Variants in DACH2 observed in about 807,000 individuals in gnomAD.
DACH2 encodes the protein dachshund family transcription factor 2.
Under a neutral mutation model 35.8 loss-of-function variants are expected in DACH2, and 17 were observed. The ratio of observed to expected loss-of-function variants is 0.48; its 90% CI spans 0.33 to 0.71. The LOEUF (loss-of-function observed/expected upper bound fraction) is 0.71, where lower values mean the gene tolerates loss of function less well. Among genes scored for constraint, DACH2 ranks in the 30% least tolerant of loss-of-function variants. DACH2 has a pLI of 0.02. For missense variants in DACH2, 469 were observed against 472.7 expected, an observed-to-expected ratio of 0.99 and a Z score of 0.07; for synonymous variants, 195 against 177.3, an observed-to-expected ratio of 1.10 and a Z score of -0.79.
intron 1 of DACH2, among the ~76,000 whole-genome samples, chrX:86,342,995 T>C (rs2035437904): frequency 9.0e-6 from 1 of 111,498 alleles, no homozygotes; most frequent in Non-Finnish European, 1.9e-5. Context: ...AATTAAGATA[T>C]ATACATTGGC....
intron 7 of DACH2, among the ~76,000 whole-genome samples, chrX:86,811,019 A>C (rs2042390378): frequency 8.9e-6 from 1 of 112,224 alleles, no homozygotes; most frequent in African/African-American, 3.2e-5. Flanking sequence ...ATTCCTAGGA[A>C]GTTATTCTCA....
intron 2 of DACH2, among the ~76,000 whole-genome samples, chrX:86,449,470 T>A (rs1304263397): frequency 1.8e-5 from 2 of 111,677 alleles, no homozygotes; most frequent in African/African-American, 6.5e-5. Flanking sequence ...AAGTGGAGAA[T>A]TTAATCAATT....
At chrX:86,468,292 C>G (rs1018279091) in intron 2 of DACH2, among the ~76,000 whole-genome samples, 34 of 111,091 alleles carry the variant, frequency 3.1e-4, no homozygotes, top group African/African-American at 1.0e-3. Context: ...ATATTACTGG[C>G]TACAGTAATA....
At chrX:86,404,645 C>T (rs1482142150) in intron 2 of DACH2, among the ~76,000 whole-genome samples, 2 of 111,694 alleles carry the variant, frequency 1.8e-5, no homozygotes, top group South Asian at 3.7e-4. Flanking sequence ...TATGGGTTTT[C>T]CAGGTGCACG....
At chrX:86,330,448 G>T (rs1369048269) in intron 1 of DACH2, among the ~76,000 whole-genome samples, 3 of 111,512 alleles carry the variant, frequency 2.7e-5, no homozygotes, top group African/African-American at 6.5e-5. Context: ...TTGGATGATT[G>T]AAATCTTACT....
At chrX:86,317,267 A>G (rs1278144426) in intron 1 of DACH2, among the ~76,000 whole-genome samples, 1 of 111,501 alleles carries the variant, frequency 9.0e-6, no homozygotes, top group Non-Finnish European at 1.9e-5. Context: ...AAGTGGGTGT[A>G]TGGGGCTTGG....
At chrX:86,573,441 A>G (rs902148923) in intron 3 of DACH2, among the ~76,000 whole-genome samples, 2 of 111,672 alleles carry the variant, frequency 1.8e-5, no homozygotes, top group Non-Finnish European at 3.8e-5. Flanking sequence ...GATTTACAAA[A>G]ATAAATGATG....
intron 3 of DACH2, among the ~76,000 whole-genome samples, chrX:86,524,353 C>T (rs1387000766): frequency 8.9e-6 from 1 of 111,925 alleles, no homozygotes; most frequent in Non-Finnish European, 1.9e-5. Flanking sequence ...ATACCTTTTC[C>T]TAGGACTACC....
At chrX:86,572,023 T>TA (rs1207110761) in intron 3 of DACH2, among the ~76,000 whole-genome samples, 3 of 111,156 alleles carry the variant, frequency 2.7e-5, no homozygotes, top group African/African-American at 9.8e-5. Context: ...ATAGATTTTT[T>TA]AAAAAAATTC....
chrX:86,404,370 A>G (rs1056831027), intron 2 of DACH2, among the ~76,000 whole-genome samples: 1 of 112,289 alleles, frequency 8.9e-6, no homozygotes, highest in Admixed American at 9.4e-5. Context: ...ATGAGGGTAC[A>G]GGCATTGGGT....
intron 3 of DACH2, among the ~76,000 whole-genome samples, chrX:86,601,033 A>T (rs2039782711): frequency 9.0e-6 from 1 of 111,616 alleles, no homozygotes; most frequent in South Asian, 3.7e-4. Flanking sequence ...GCAATAGACA[A>T]GGAAAGTGAA....
At chrX:86,501,151 A>G (rs1338975985) in intron 2 of DACH2, among the ~76,000 whole-genome samples, 1 of 112,516 alleles carries the variant, frequency 8.9e-6, no homozygotes, top group African/African-American at 3.2e-5. Context: ...CTTTGCTGCC[A>G]CTTTTATTTT....
chrX:86,605,504 C>G (rs192316896), intron 3 of DACH2, among the ~76,000 whole-genome samples: 1 of 110,444 alleles, frequency 9.1e-6, no homozygotes, highest in African/African-American at 3.3e-5. Context: ...TAAAAAAAAT[C>G]TTTGTTCTTT....
chrX:86,204,824 T>C (rs1457102495), intron 1 of DACH2, among the ~76,000 whole-genome samples: 1 of 112,180 alleles, frequency 8.9e-6, no homozygotes, highest in Admixed American at 9.5e-5. Flanking sequence ...TCCTATTTTA[T>C]AGATGATATT....
intron 3 of DACH2, among the ~76,000 whole-genome samples, chrX:86,623,769 G>GAGTCAATAAATCTCCTTTAGACTTA (rs1381807326): frequency 4.6e-5 from 5 of 108,186 alleles, no homozygotes; most frequent in East Asian, 3.1e-4. Context: ...AAAAGTGGCG[G>GAGTCAATAAATCTCCTTTAGACTTA]CCGGGCGCGG....
At position 86,149,019 on chromosome X, in the gene DACH2, G is replaced by T. The variant is rs1047383386; in HGVS notation, c.399G>T (p.Gly133=). Residue 133 remains glycine (G), a synonymous_variant, in exon 1 of 12, where the codon GGG becomes GGT. Coordinates refer to ENST00000373125, the MANE Select transcript of DACH2 (RefSeq NM_053281.3). ...CTVEQVRILR[G]LGAIQPGVNR... ...TTGAGCAGGTCCGGATCCTCCGCGGGCTGGGGGCCATCCAGCCCGGGGTAA... is the reference window on the plus strand; with the variant it reads ...TTGAGCAGGTCCGGATCCTCCGCGGTCTGGGGGCCATCCAGCCCGGGGTAA... The T allele has an allele frequency of 7.4e-6, 9 of 1,210,451 alleles. No homozygotes were observed. Among genetic ancestry groups the T allele is most frequent in the Non-Finnish European group, 1.0e-5 (9 of 894,671 alleles).
At chrX:86,653,386 A>C (rs1266354870) in intron 4 of DACH2, among the ~76,000 whole-genome samples, 1 of 111,108 alleles carries the variant, frequency 9.0e-6, no homozygotes, top group African/African-American at 3.3e-5. Flanking sequence ...TTGATGTCTA[A>C]AAGCGTGGTG....
At chrX:86,620,486 G>A (rs369525725) in intron 3 of DACH2, among the ~76,000 whole-genome samples, 3 of 111,396 alleles carry the variant, frequency 2.7e-5, no homozygotes, top group East Asian at 5.7e-4. Context: ...CATGAGAGAC[G>A]ATAACTGCTA....
intron 2 of DACH2, among the ~76,000 whole-genome samples, chrX:86,415,024 A>C (rs1335202816): frequency 8.9e-6 from 1 of 111,826 alleles, no homozygotes; most frequent in Non-Finnish European, 1.9e-5. Context: ...GTTGACACTC[A>C]GTATTAAGCG....
Sources: gnomAD v4.1 joint callset for allele counts (sites outside exome capture counted in the v4.1 genomes callset) on GRCh38, gnomAD v4.1.1 for gene constraint, MANE v1.5 for transcripts, NCBI Gene and HGNC (gene_info 2026-07-23, HGNC 2026-07-21) for gene names.